Variants in ANTXR2 observed in about 807,000 individuals in gnomAD.
ANTXR2 encodes the protein anthrax toxin receptor 2.
Under a neutral mutation model 73.7 loss-of-function variants are expected in ANTXR2, and 44 were observed. The ratio of observed to expected loss-of-function variants is 0.60; its 90% CI spans 0.47 to 0.77. The LOEUF (loss-of-function observed/expected upper bound fraction) is 0.77. Among genes scored for constraint, ANTXR2 ranks in the 30% least tolerant of loss-of-function variants. The probability of loss-of-function intolerance (pLI) is 0.00; values close to 1 mark genes in which losing one functional copy is unlikely to be tolerated. For synonymous variants in ANTXR2, 217 were observed against 205.9 expected, an observed-to-expected ratio of 1.05 and a Z score of -0.46; for missense variants, 604 against 592.5, an observed-to-expected ratio of 1.02 and a Z score of -0.20.
chr4:80,069,253 T>G (rs1339709897), intron 3 of ANTXR2, among the ~76,000 whole-genome samples, 183 bp downstream of exon 3: 1 of 152,212 alleles, frequency 6.6e-6, no homozygotes. Flanking sequence ...TAAATGATAT[T>G]GATTTTCAGA....
chr4:79,909,802 A>T (rs1560840787), intron 16 of ANTXR2, among the ~76,000 whole-genome samples: 1 of 152,126 alleles, frequency 6.6e-6, no homozygotes, highest in Non-Finnish European at 1.5e-5. Flanking sequence ...GTCTGGGTGT[A>T]ATTTTATTTT....
At chr4:80,028,749 C>G (rs1333733638) in intron 10 of ANTXR2, among the ~76,000 whole-genome samples, 2 of 152,136 alleles carry the variant, frequency 1.3e-5, no homozygotes, top group African/African-American at 4.8e-5. Context: ...ACATATTAAG[C>G]ATCAGTCACC....
intron 16 of ANTXR2, among the ~76,000 whole-genome samples, chr4:79,936,927 T>C (rs569557566): frequency 3.9e-4 from 59 of 152,276 alleles, no homozygotes; most frequent in African/African-American, 1.3e-3. Flanking sequence ...TCTATTTTTT[T>C]CTATCACTTG....
intron 9 of ANTXR2, 117 bp downstream of exon 9, chr4:80,033,351 ATTTC>A: frequency 3.0e-6 from 2 of 668,892 alleles, no homozygotes; most frequent in South Asian, 2.2e-5. Flanking sequence ...TTCAGACTTC[ATTTC>A]TTTCTTCTTA....
chr4:79,905,798 G>C lies in ANTXR2; in HGVS notation c.*1631C>G, dbSNP rs1726880863. Reference sequence around the variant, plus strand: ...AATTTCCATTAAGAGCACAATGGGGGTAATTATACCAGGATGCTCCAATCG... The same window carrying C: ...AATTTCCATTAAGAGCACAATGGGGCTAATTATACCAGGATGCTCCAATCG... On this transcript the variant is annotated 3_prime_UTR_variant, in exon 17 of 17. Transcript: ENST00000403729. 6.6e-6 allele frequency: 1 copy of C among 152,552 alleles called. No homozygotes were observed. The highest frequency in any genetic ancestry group is 6.5e-5 in the Admixed American group (1 of 15,268). 9.4% of individuals were successfully genotyped at this position (152,552 alleles called of 1,614,324 possible). A position where few individuals can be genotyped will look rare whatever the true frequency, so the allele number is the denominator to read the frequency against.
intron 16 of ANTXR2, among the ~76,000 whole-genome samples, chr4:79,909,198 T>A (rs1727031430): frequency 6.6e-6 from 1 of 152,192 alleles, no homozygotes; most frequent in Admixed American, 6.5e-5. Context: ...GACATCTTTT[T>A]CTTGTGTATT....
At chr4:80,004,050 T>C (rs1343494465) in intron 12 of ANTXR2, among the ~76,000 whole-genome samples, 2 of 151,984 alleles carry the variant, frequency 1.3e-5, no homozygotes, top group Admixed American at 6.6e-5. Context: ...CTGTGGTACA[T>C]CTACACCATT....
chr4:79,994,797 G>A (rs1730647228), intron 12 of ANTXR2, among the ~76,000 whole-genome samples: 1 of 151,846 alleles, frequency 6.6e-6, no homozygotes, highest in Admixed American at 6.6e-5. Flanking sequence ...CTCTTCACCG[G>A]AGGTCCTTTA....
At chr4:80,014,642 A>C (rs1235632276) in intron 11 of ANTXR2, among the ~76,000 whole-genome samples, 2 of 152,128 alleles carry the variant, frequency 1.3e-5, no homozygotes. Context: ...AAAGCATTTA[A>C]ATCTCCTTTA....
chr4:79,986,096 G>A lies in ANTXR2; in HGVS notation c.1042-1233C>T, dbSNP rs149814793. ...TGATCTCGGGTGATCCACCCGCCTC[G>A]GCCCCCCAATACAGTTAATTCTTCA... On this transcript the variant is annotated intron_variant, in intron 12 of 16. Transcript: ENST00000403729. Among the ~76,000 whole-genome samples the A allele has an allele frequency of 2.2e-3, 329 of 152,004 alleles. 4 individuals carry two copies. In the South Asian group the frequency reaches 0.026, roughly 12 times the overall value.
rs1382093806 is a variant in ANTXR2, at chr4:80,072,513, G to A, written c.48C>T (p.Phe16=). 6.2e-7 allele frequency: 1 copy of A among 1,603,746 alleles called. No individual in the cohort carries two copies. The highest frequency in any genetic ancestry group is 2.3e-5 in the East Asian group (1 of 44,222). ...TGAGCACCAACAGCCACAGCCCGGGGAACAGCCAGCTCCCGGGGCTGCGGG... is the reference window on the plus strand; with the variant it reads ...TGAGCACCAACAGCCACAGCCCGGGAAACAGCCAGCTCCCGGGGCTGCGGG... The part of the protein sequence containing the change: ...SPARSPGSWL[F]PGLWLLVLSG... The change falls in exon 1 of 17, where the codon TTC becomes TTT. Residue 16 remains phenylalanine, a synonymous_variant. Coordinates refer to ENST00000403729, the MANE Select transcript of ANTXR2 (RefSeq NM_058172.6).
chr4:79,918,752 A>AC (rs1479942470), intron 16 of ANTXR2, among the ~76,000 whole-genome samples: 17 of 152,128 alleles, frequency 1.1e-4, no homozygotes, highest in African/African-American at 3.9e-4. Flanking sequence ...GAAGAAATAG[A>AC]GAAACAGAAT....
At chr4:79,944,688 T>C (rs1728450233) in intron 16 of ANTXR2, among the ~76,000 whole-genome samples, 1 of 152,154 alleles carries the variant, frequency 6.6e-6, no homozygotes, top group Non-Finnish European at 1.5e-5. Context: ...TATTTGTGAG[T>C]TTGGTACAAC....
intron 11 of ANTXR2, among the ~76,000 whole-genome samples, chr4:80,009,536 T>G (rs1283982996): frequency 6.6e-6 from 1 of 152,138 alleles, no homozygotes; most frequent in Non-Finnish European, 1.5e-5. Flanking sequence ...CACCGTATAC[T>G]CCATGTCTGG....
intron 16 of ANTXR2, among the ~76,000 whole-genome samples, chr4:79,934,028 G>A (rs1468080763): frequency 6.6e-6 from 1 of 152,006 alleles, no homozygotes; most frequent in Non-Finnish European, 1.5e-5. Flanking sequence ...ATGAGCCATC[G>A]CGCCTGGCCA....
chr4:80,056,923 T>C (rs1453001111), intron 3 of ANTXR2, among the ~76,000 whole-genome samples: 1 of 151,900 alleles, frequency 6.6e-6, no homozygotes, highest in Non-Finnish European at 1.5e-5. Context: ...AAAAGATAAG[T>C]AAAATAATGT....
In ANTXR2 at chr4:79,943,425, A is replaced by G. The variant is rs368616952; in HGVS notation, c.1428+34196T>C. Among the ~76,000 whole-genome samples, 129 of 14,712 alleles carry G rather than the reference A, an allele frequency of 8.8e-3. No individual in the cohort carries two copies. The East Asian group carries it at 0.11, about 12-fold the overall frequency. The allele number at this position is 14,712 out of a possible 152,430, so 9.7% of individuals were successfully genotyped here. On this transcript the variant is annotated intron_variant, in intron 16 of 16. Transcript: ENST00000403729. ...CAGCCATAAAAAATGATGAGTTCAT[A>G]TCCTTTGTAGGGACATGGATGAAAT...
At chr4:79,932,689 G>A (rs375180314) in intron 16 of ANTXR2, among the ~76,000 whole-genome samples, 85 of 150,410 alleles carry the variant, frequency 5.7e-4, no homozygotes, top group African/African-American at 1.9e-3. Context: ...CTACTCGGAA[G>A]GCTGAGGCAG....
intron 3 of ANTXR2, among the ~76,000 whole-genome samples, chr4:80,060,247 CA>C (rs1734182811): frequency 6.6e-6 from 1 of 152,136 alleles, no homozygotes; most frequent in Non-Finnish European, 1.5e-5. Context: ...AGGGGATTTT[CA>C]AAAGCTCTTC....
Sources: gnomAD v4.1 joint callset for allele counts (sites outside exome capture counted in the v4.1 genomes callset) on GRCh38, gnomAD v4.1.1 for gene constraint, MANE v1.5 for transcripts, NCBI Gene and HGNC (gene_info 2026-07-23, HGNC 2026-07-21) for gene names.